The following IMMP2L variants were observed in gnomAD, a reference collection of about 807,000 sequenced individuals.
The protein encoded by IMMP2L is mitochondrial inner membrane protease subunit 2.
In IMMP2L, 18 loss-of-function variants were observed where a neutral mutation model predicts 19.3. The ratio of observed to expected loss-of-function variants is 0.93; its 90% CI spans 0.64 to 1.38. The LOEUF (loss-of-function observed/expected upper bound fraction) is 1.38, where lower values mean the gene tolerates loss of function less well. Ranked by LOEUF, IMMP2L falls within the 40% of genes most tolerant of loss-of-function variation. The pLI is 0.00. For synonymous variants in IMMP2L, 76 were observed against 73.0 expected, an observed-to-expected ratio of 1.04 and a Z score of -0.21; for missense variants, 233 against 218.2, an observed-to-expected ratio of 1.07 and a Z score of -0.43.
intron 3 of IMMP2L, among the ~76,000 whole-genome samples, chr7:111,441,851 C>T (rs1346267638): frequency 6.6e-6 from 1 of 151,654 alleles, no homozygotes; most frequent in African/African-American, 2.4e-5. Context: ...AAAAGCTCTG[C>T]AAGTAGTCCG....
At chr7:110,724,205 T>A (rs946536245) in intron 5 of IMMP2L, 2 of 152,208 alleles carry the variant, frequency 1.3e-5, no homozygotes, top group Non-Finnish European at 2.9e-5. Context: ...TTTATAAGTA[T>A]AAAACAGATT....
At chr7:111,284,376 T>C (rs1026114721) in intron 3 of IMMP2L, among the ~76,000 whole-genome samples, 15 of 152,100 alleles carry the variant, frequency 9.9e-5, no homozygotes, top group African/African-American at 2.9e-4. Flanking sequence ...CATTACTACA[T>C]TACTACAGCC....
At chr7:111,329,748 GA>G (rs1456190041) in intron 3 of IMMP2L, among the ~76,000 whole-genome samples, 1 of 151,774 alleles carries the variant, frequency 6.6e-6, no homozygotes, top group Non-Finnish European at 1.5e-5. Context: ...TAAAACAAAA[GA>G]AAATTTAAAA....
chr7:110,955,934 A>T (rs1338643128), intron 4 of IMMP2L, among the ~76,000 whole-genome samples: 8 of 152,012 alleles, frequency 5.3e-5, no homozygotes, highest in African/African-American at 1.9e-4. Flanking sequence ...AATCATTAAA[A>T]AAAAAGAATT....
intron 3 of IMMP2L, among the ~76,000 whole-genome samples, chr7:111,144,115 A>G (rs1019883528): frequency 1.8e-4 from 27 of 152,178 alleles, no homozygotes; most frequent in African/African-American, 6.3e-4. Context: ...TACATTTACT[A>G]GAGAAAAGAA....
At chr7:111,253,081 G>C (rs1173050053) in intron 3 of IMMP2L, among the ~76,000 whole-genome samples, 1 of 152,058 alleles carries the variant, frequency 6.6e-6, no homozygotes, top group Non-Finnish European at 1.5e-5. Flanking sequence ...AATATGGTGA[G>C]AAATGAAATA....
intron 5 of IMMP2L, among the ~76,000 whole-genome samples, chr7:110,801,371 C>T (rs574326249): frequency 7.2e-5 from 11 of 152,202 alleles, no homozygotes; most frequent in East Asian, 1.9e-4. Context: ...CAAAAGTATG[C>T]TCTCTAGACC....
At chr7:111,307,407 C>T (rs1822997788) in intron 3 of IMMP2L, among the ~76,000 whole-genome samples, 1 of 151,598 alleles carries the variant, frequency 6.6e-6, no homozygotes, top group Non-Finnish European at 1.5e-5. Context: ...GCATTTTAGT[C>T]CTGATCTTTG....
chr7:111,094,581 C>T (rs1797208879), intron 3 of IMMP2L, among the ~76,000 whole-genome samples: 1 of 152,136 alleles, frequency 6.6e-6, no homozygotes, highest in South Asian at 2.1e-4. Context: ...AACATCAGTA[C>T]ATCTTGTCAG....
chr7:111,286,451 A>G (rs887109453), intron 3 of IMMP2L, among the ~76,000 whole-genome samples: 1 of 152,180 alleles, frequency 6.6e-6, no homozygotes, highest in South Asian at 2.1e-4. Flanking sequence ...ACCACTCAGT[A>G]AAAGCAATTC....
At chr7:111,473,739 G>T (rs2132129009) in intron 3 of IMMP2L, among the ~76,000 whole-genome samples, 1 of 152,242 alleles carries the variant, frequency 6.6e-6, no homozygotes, top group African/African-American at 2.4e-5. Flanking sequence ...CATTTGTTCA[G>T]CCACTATGGA....
In IMMP2L at chr7:110,727,948, C is replaced by T. The variant is rs1251585230; in HGVS notation, c.409-64227G>A. Among the ~76,000 whole-genome samples, 1 of 152,198 alleles carries T rather than the reference C, an allele frequency of 6.6e-6. No homozygotes were observed. Among genetic ancestry groups the T allele is most frequent in the Non-Finnish European group, 1.5e-5 (1 of 68,026 alleles). ...ACAAGCTCTGCATTGCATACCCACA[C>T]ACATGTAATTCTGCTCACTTCTGTT... is the stretch of plus-strand genomic sequence containing the variant. On this transcript the variant is annotated intron_variant, in intron 5 of 5. Coordinates refer to ENST00000405709, the MANE Select transcript of IMMP2L (RefSeq NM_032549.4). The surrounding 1 kb of genome is among the most constrained non-coding windows in gnomAD (Gnocchi z 4.3).
intron 2 of IMMP2L, among the ~76,000 whole-genome samples, chr7:111,493,949 G>C (rs1843353241): frequency 6.6e-6 from 1 of 151,466 alleles, no homozygotes; most frequent in South Asian, 2.1e-4. Flanking sequence ...GCAGTGAGCC[G>C]AGACCACGCC....
rs564851476 is a variant in IMMP2L at position 111,467,583 on chromosome 7, C to T, written c.239+19655G>A. ...TCCTGAGTTCATGTCTAGACTTCCT[C>T]GGGATTACAGAGACGGTAAGGTTAA... On this transcript the variant is annotated intron_variant, in intron 3 of 5. Coordinates refer to ENST00000405709, the MANE Select transcript of IMMP2L (RefSeq NM_032549.4). 4.9e-4 allele frequency among the ~76,000 whole-genome samples: 75 copies of T among 152,168 alleles called. 1 individual carries two copies. Among genetic ancestry groups the T allele is most frequent in the Non-Finnish European group, 9.3e-4 (63 of 67,992 alleles).
chr7:111,097,843 G>A (rs1797566950), intron 3 of IMMP2L, among the ~76,000 whole-genome samples: 1 of 151,556 alleles, frequency 6.6e-6, no homozygotes, highest in South Asian at 2.1e-4. Context: ...AATTTCAATA[G>A]TTGCAGGAAA....
chr7:111,327,353 C>T (rs938408903), intron 3 of IMMP2L, among the ~76,000 whole-genome samples: 3 of 151,768 alleles, frequency 2.0e-5, no homozygotes, highest in South Asian at 2.1e-4. Flanking sequence ...ATTTAACCTG[C>T]TTTATGAGTG....
At chr7:110,851,109 T>G (rs764341000) in intron 5 of IMMP2L, among the ~76,000 whole-genome samples, 1 of 152,134 alleles carries the variant, frequency 6.6e-6, no homozygotes, top group Non-Finnish European at 1.5e-5. Context: ...GACTACTTGG[T>G]AGAGTATGAA....
intron 5 of IMMP2L, among the ~76,000 whole-genome samples, chr7:110,818,269 A>G (rs1203715602): frequency 1.3e-5 from 2 of 152,290 alleles, no homozygotes; most frequent in South Asian, 2.1e-4. Flanking sequence ...ATTTACAAGA[A>G]AAAAACAAAC....
intron 5 of IMMP2L, among the ~76,000 whole-genome samples, chr7:110,850,558 C>T (rs1806098980): frequency 6.6e-6 from 1 of 152,066 alleles, no homozygotes; most frequent in Non-Finnish European, 1.5e-5. Flanking sequence ...GGAACGGTAC[C>T]ATTCAATTAA....
Sources: allele counts gnomAD v4.1 joint callset (sites outside exome capture counted in the v4.1 genomes callset), GRCh38; gene constraint gnomAD v4.1.1; non-coding constraint Gnocchi (gnomAD v3.1); transcripts MANE v1.5; gene names NCBI Gene and HGNC (gene_info 2026-07-23, HGNC 2026-07-21).